VOPP1: variants seen among roughly 807,000 people sequenced by gnomAD.
VOPP1 encodes the protein WW domain binding protein VOPP1.
A neutral mutation model predicts 23.5 loss-of-function variants in VOPP1; 8 were observed. The ratio of observed to expected loss-of-function variants is 0.34; its 90% CI spans 0.20 to 0.61. VOPP1 has a LOEUF of 0.61. Ranked by LOEUF, VOPP1 falls within the 20% of genes least tolerant of loss-of-function variation. VOPP1 has a pLI of 0.78. For synonymous variants in VOPP1, 83 were observed against 97.3 expected (o/e 0.85, Z 0.86); for missense variants, 174 against 238.1 (o/e 0.73, Z 1.77).
chr7:55,465,941 A>G (rs1398355434), downstream of VOPP1, among the ~76,000 whole-genome samples: 1 of 152,076 alleles, frequency 6.6e-6, no homozygotes, highest in Non-Finnish European at 1.5e-5. Context: ...GTCCCCCCAA[A>G]TGTCATATGT....
At chr7:55,465,369 T>C (rs1448608759) in intron 4 of VOPP1, among the ~76,000 whole-genome samples, 1 of 152,170 alleles carries the variant, frequency 6.6e-6, no homozygotes, top group Non-Finnish European at 1.5e-5. Context: ...CACATCAACC[T>C]TTCAAGACAA....
chr7:55,464,720 G>A (rs1225278867), intron 4 of VOPP1, among the ~76,000 whole-genome samples: 2 of 152,214 alleles, frequency 1.3e-5, no homozygotes, highest in African/African-American at 2.4e-5. Context: ...ATGTCAGAGG[G>A]ATGTGGAGAT....
chr7:55,470,624 A>G lies in VOPP1; in HGVS notation c.*2231T>C, dbSNP rs1443863003. The G allele has an allele frequency of 6.6e-6, 1 of 152,192 alleles. No individual in the cohort carries two copies. The highest frequency in any genetic ancestry group is 1.9e-4 in the East Asian group (1 of 5,200). The allele number at this position is 152,192 out of a possible 1,614,324, so 9.4% of individuals were successfully genotyped here. A position where few individuals can be genotyped will look rare whatever the true frequency, so the allele number is the denominator to read the frequency against. ...ACAATCAAAGCACATGCCCAAATTT[A>G]TTTTTATTTTGCACACATAGGAAAC... On this transcript the variant is annotated 3_prime_UTR_variant, in exon 5 of 5. Coordinates refer to ENST00000285279, the MANE Select transcript of VOPP1 (RefSeq NM_030796.5).
chr7:55,449,378 C>A (rs1432480745), intron 4 of VOPP1, among the ~76,000 whole-genome samples: 2 of 152,174 alleles, frequency 1.3e-5, no homozygotes, highest in Non-Finnish European at 2.9e-5. Context: ...GAACCCCTCT[C>A]CAGGGACGCG....
chr7:55,520,449 G>C (rs1182560575), intron 2 of VOPP1, among the ~76,000 whole-genome samples: 3 of 152,172 alleles, frequency 2.0e-5, no homozygotes, highest in Non-Finnish European at 2.9e-5. Context: ...CACAGGGCTG[G>C]TGGCTACCAC....
At chr7:55,436,217 A>G (rs1200320951) in intron 4 of VOPP1, 2 of 152,204 alleles carry the variant, frequency 1.3e-5, no homozygotes, top group Non-Finnish European at 2.9e-5. Context: ...TTTACAGCCA[A>G]CCCAGGGTGG....
intron 2 of VOPP1, among the ~76,000 whole-genome samples, chr7:55,510,189 G>A (rs181322202): frequency 7.9e-5 from 12 of 152,320 alleles, no homozygotes; most frequent in Admixed American, 5.2e-4. Flanking sequence ...TAAGCTATAT[G>A]TCTACCTGTA....
At chr7:55,499,383 C>G (rs139366263) in intron 2 of VOPP1, among the ~76,000 whole-genome samples, 1,673 of 152,286 alleles carry the variant, frequency 0.011, 11 homozygotes, top group Middle Eastern at 0.02. Context: ...ACCCAGGAGG[C>G]AGAGGTTGCA....
chr7:55,533,927 G>A (rs1428282740), intron 1 of VOPP1, among the ~76,000 whole-genome samples: 1 of 152,126 alleles, frequency 6.6e-6, no homozygotes, highest in African/African-American at 2.4e-5. Context: ...CCACAGGAAG[G>A]AGGATGGCAA....
chr7:55,562,141 T>C, intron 1 of VOPP1: 1 of 697,632 alleles, frequency 1.4e-6, no homozygotes, highest in Non-Finnish European at 2.6e-6. Flanking sequence ...ACGCTGAGAA[T>C]GGCAAGGAGG....
At chr7:55,441,179 A>G (rs1055644768) in intron 4 of VOPP1, among the ~76,000 whole-genome samples, 3 of 152,196 alleles carry the variant, frequency 2.0e-5, no homozygotes, top group African/African-American at 4.8e-5. Flanking sequence ...GTGTCTCCAC[A>G]GCCTTCCTGG....
chr7:55,559,974 GA>G (rs778790515), intron 1 of VOPP1, among the ~76,000 whole-genome samples: 2 of 152,202 alleles, frequency 1.3e-5, no homozygotes, highest in Non-Finnish European at 2.9e-5. Flanking sequence ...CCAACATGGT[GA>G]AACCCCATCT....
chr7:55,509,985 A>G (rs1794969307), intron 2 of VOPP1, among the ~76,000 whole-genome samples: 1 of 152,194 alleles, frequency 6.6e-6, no homozygotes, highest in Non-Finnish European at 1.5e-5. Flanking sequence ...TTTAGACCAG[A>G]GGACCGTGTC....
At chr7:55,487,947 C>A (rs1235376000) in intron 4 of VOPP1, among the ~76,000 whole-genome samples, 1 of 152,180 alleles carries the variant, frequency 6.6e-6, no homozygotes, top group African/African-American at 2.4e-5. Context: ...TTCTACAGTT[C>A]CTAAAGAGCA....
intron 1 of VOPP1, among the ~76,000 whole-genome samples, chr7:55,539,040 AGGG>A (rs60010511): frequency 6.3e-5 from 3 of 47,812 alleles, no homozygotes; most frequent in African/African-American, 2.0e-4. Context: ...TTAAAAAAAA[AGGG>A]GGGGGGGGAG....
At chr7:55,519,853 C>A (rs569813738) in intron 2 of VOPP1, among the ~76,000 whole-genome samples, 1 of 152,186 alleles carries the variant, frequency 6.6e-6, no homozygotes, top group African/African-American at 2.4e-5. Flanking sequence ...AGAGGCTGGG[C>A]GAGGTGACTC....
chr7:55,512,301 C>G (rs1795123301), intron 2 of VOPP1, among the ~76,000 whole-genome samples: 1 of 152,080 alleles, frequency 6.6e-6, no homozygotes, highest in Non-Finnish European at 1.5e-5. Flanking sequence ...TGGCACGTGC[C>G]TGTAATCCCA....
At chr7:55,566,855 G>A (rs1039342500) in intron 1 of VOPP1, among the ~76,000 whole-genome samples, 1 of 152,204 alleles carries the variant, frequency 6.6e-6, no homozygotes, top group Non-Finnish European at 1.5e-5. Context: ...TGAAACAACA[G>A]AAGGTGAGGC....
At chr7:55,506,151 G>A (rs1312579682) in intron 2 of VOPP1, among the ~76,000 whole-genome samples, 1 of 152,188 alleles carries the variant, frequency 6.6e-6, no homozygotes, top group African/African-American at 2.4e-5. Flanking sequence ...TCTCAGCCTG[G>A]TGGGCTGTTT....
Sources: allele counts gnomAD v4.1 joint callset (sites outside exome capture counted in the v4.1 genomes callset), GRCh38; gene constraint gnomAD v4.1.1; transcripts MANE v1.5; gene names NCBI Gene and HGNC (gene_info 2026-07-23, HGNC 2026-07-21).